NFX1: variants seen among roughly 807,000 people sequenced by gnomAD.
NFX1 encodes nuclear transcription factor, X-box binding 1, also known as transcriptional repressor NF-X1.
A neutral mutation model predicts 137.2 loss-of-function variants in NFX1; 69 were observed. That is an observed-to-expected ratio of 0.50 (90% confidence interval 0.41 to 0.61). The LOEUF is 0.61. Among genes scored for constraint, NFX1 ranks in the 20% least tolerant of loss-of-function variants. The pLI is 0.00. For missense variants in NFX1, 1,167 were observed against 1,391.0 expected, an observed-to-expected ratio of 0.84 and a Z score of 2.56; for synonymous variants, 495 against 474.1, an observed-to-expected ratio of 1.04 and a Z score of -0.57.
At chr9:33,369,166 T>C (rs898936079) in intron 23 of NFX1, among the ~76,000 whole-genome samples, 15 of 152,024 alleles carry the variant, frequency 9.9e-5, no homozygotes, top group East Asian at 1.9e-4. Context: ...CCCGGGTTCA[T>C]GCCATTCTCC....
chr9:33,351,602 G>A lies in NFX1; in HGVS notation c.2467G>A (p.Gly823Arg), dbSNP rs907119023. ...CTGTCACCTGGTTGATATCTCTTGC[G>A]GATTACCCTGCAGTGCCACGCTACC... Reference protein sequence around the residue: ...IPCHLVDISCGLPCSATLPCG... With the variant: ...IPCHLVDISCRLPCSATLPCG... The change falls in exon 16 of 24, where the codon GGA becomes AGA. Residue 823 changes from glycine to arginine, a missense_variant. Around this residue, in one of 3 missense-constraint regions of NFX1, gnomAD observed 488 missense variants for 691.5 expected, o/e 0.71. Coordinates refer to ENST00000379540, the MANE Select transcript of NFX1 (RefSeq NM_002504.6). The A allele has an allele frequency of 9.9e-6, 16 of 1,613,992 alleles. No individual in the cohort carries two copies. The highest frequency in any genetic ancestry group is 2.2e-5 in the South Asian group (2 of 91,090).
intron 9 of NFX1, among the ~76,000 whole-genome samples, chr9:33,325,491 GTC>G: frequency 6.6e-6 from 1 of 152,194 alleles, no homozygotes; most frequent in South Asian, 2.1e-4. Context: ...GTGAAACCCT[GTC>G]TCTACTAAAA....
At chr9:33,354,727 T>C in intron 18 of NFX1, 124 bp from the exon 19 acceptor site, 2 of 837,838 alleles carry the variant, frequency 2.4e-6, no homozygotes, top group Middle Eastern at 2.3e-4. Flanking sequence ...CTTCCTGGCC[T>C]GAGGGATTGT....
intron 9 of NFX1, among the ~76,000 whole-genome samples, chr9:33,321,901 C>G (rs1822399220): frequency 6.6e-6 from 1 of 150,562 alleles, no homozygotes. Context: ...AAAAATCAAC[C>G]ATTTAAAGTT....
At chr9:33,312,232 T>G (rs1031169503) in intron 6 of NFX1, among the ~76,000 whole-genome samples, 6 of 152,220 alleles carry the variant, frequency 3.9e-5, no homozygotes, top group African/African-American at 9.6e-5. Context: ...GTGTTTTGAC[T>G]CAGAAAGGTC....
At chr9:33,341,243 C>T (rs1404382927) in intron 12 of NFX1, among the ~76,000 whole-genome samples, 1 of 152,200 alleles carries the variant, frequency 6.6e-6, no homozygotes, top group African/African-American at 2.4e-5. Flanking sequence ...GAGCAAGTCA[C>T]ATTTTAACAT....
chr9:33,349,871 T>G (rs1242542540), intron 15 of NFX1, among the ~76,000 whole-genome samples: 1 of 151,978 alleles, frequency 6.6e-6, no homozygotes, highest in Non-Finnish European at 1.5e-5. Flanking sequence ...TAGCTGGGTT[T>G]AGTGGCATGC....
intron 11 of NFX1, 28 bp from the exon 12 acceptor site, chr9:33,338,482 T>C (rs558735727): frequency 1.2e-6 from 2 of 1,602,442 alleles, no homozygotes; most frequent in East Asian, 2.2e-5. Context: ...TGTCTGGTTT[T>C]TTTTTTCTTT....
chr9:33,301,500 TAC>T (rs1167556232), intron 3 of NFX1, 79 bp downstream of exon 3: 1 of 1,462,184 alleles, frequency 6.8e-7, no homozygotes, highest in South Asian at 1.4e-5. Context: ...GCTTTAAAAA[TAC>T]AGTTTAATTT....
chr9:33,343,211 C>T (rs924251679), intron 13 of NFX1, among the ~76,000 whole-genome samples: 4 of 152,044 alleles, frequency 2.6e-5, no homozygotes, highest in African/African-American at 9.7e-5. Context: ...TTTACATTAC[C>T]AAAAACTATC....
chr9:33,317,673 A>G (rs952540291), intron 7 of NFX1, among the ~76,000 whole-genome samples: 25 of 151,792 alleles, frequency 1.6e-4, no homozygotes, highest in African/African-American at 6.0e-4. Flanking sequence ...TAAAAAAAAA[A>G]AAATCTAGAG....
At chr9:33,323,939 A>C (rs1488260122) in intron 9 of NFX1, among the ~76,000 whole-genome samples, 1 of 152,200 alleles carries the variant, frequency 6.6e-6, no homozygotes, top group Admixed American at 6.5e-5. Flanking sequence ...AAAGTAGGAT[A>C]ACCGAAATGC....
intron 7 of NFX1, among the ~76,000 whole-genome samples, chr9:33,317,540 A>C (rs1822213015): frequency 6.6e-6 from 1 of 150,938 alleles, no homozygotes; most frequent in Non-Finnish European, 1.5e-5. Context: ...AATTAAAAAA[A>C]AAAAATCAAG....
chr9:33,358,718 A>T (rs1253028768), intron 19 of NFX1, among the ~76,000 whole-genome samples: 1 of 130,626 alleles, frequency 7.7e-6, no homozygotes, highest in African/African-American at 3.0e-5. Flanking sequence ...GCTGGAGTGC[A>T]ATGGCACAAT....
At chr9:33,319,266 C>T (rs962799846) in intron 9 of NFX1, 139 bp downstream of exon 9, 12 of 723,746 alleles carry the variant, frequency 1.7e-5, no homozygotes, top group Non-Finnish European at 2.2e-5. Flanking sequence ...TATGTAGGTA[C>T]GTTTTCTTTC....
intron 23 of NFX1, among the ~76,000 whole-genome samples, chr9:33,369,363 A>G (rs1824262468): frequency 6.6e-6 from 1 of 152,102 alleles, no homozygotes; most frequent in African/African-American, 2.4e-5. Context: ...ACACCTGGCC[A>G]TCCCATGCTA....
Position 33,295,063 on chromosome 9 carries a change from T to C in NFX1, c.669T>C (p.Ser223=). ...ACCCTGACTCTTCAGAGGCATCCTC[T>C]AGAAAAGGAGTATTGGATGGGTATG... ...VFHPDSSEAS[S]RKGVLDGYGA... is the part of the protein sequence containing the mutation. The change falls in exon 2 of 24, where the codon TCT becomes TCC. Residue 223 remains serine, a synonymous_variant. Coordinates refer to ENST00000379540, the MANE Select transcript of NFX1 (RefSeq NM_002504.6). The C allele has an allele frequency of 6.2e-7, 1 of 1,613,884 alleles. No individual in the cohort carries two copies. The highest frequency in any genetic ancestry group is 1.1e-5 in the South Asian group (1 of 91,048).
chr9:33,320,261 G>A (rs1402346342), intron 9 of NFX1, among the ~76,000 whole-genome samples: 1 of 152,018 alleles, frequency 6.6e-6, no homozygotes, highest in East Asian at 1.9e-4. Context: ...CACCATGCCC[G>A]GCTGGATGAA....
chr9:33,359,466 G>T (rs1823923697), intron 19 of NFX1, among the ~76,000 whole-genome samples: 1 of 152,138 alleles, frequency 6.6e-6, no homozygotes, highest in South Asian at 2.1e-4. Context: ...GGGCATGGTG[G>T]CAGACGCCTG....
Sources: gnomAD v4.1 joint callset for allele counts (sites outside exome capture counted in the v4.1 genomes callset) on GRCh38, gnomAD v4.1.1 for gene constraint, gnomAD v4.1.1 regional missense constraint, MANE v1.5 for transcripts, NCBI Gene and HGNC (gene_info 2026-07-23, HGNC 2026-07-21) for gene names.